PTPRJ: variants seen among roughly 807,000 people sequenced by gnomAD.
PTPRJ encodes receptor-type tyrosine-protein phosphatase eta.
In PTPRJ, 129 loss-of-function variants were observed where a neutral mutation model predicts 141.3. The observed-to-expected ratio is 0.91, with a 90% CI of 0.79 to 1.06. The LOEUF (loss-of-function observed/expected upper bound fraction) is 1.06, where lower values mean the gene tolerates loss of function less well. Among genes scored for constraint, PTPRJ ranks in the 50% least tolerant of loss-of-function variants. PTPRJ has a pLI of 0.00. For synonymous variants in PTPRJ, 610 were observed against 640.5 expected, an observed-to-expected ratio of 0.95 and a Z score of 0.72; for missense variants, 1,601 against 1,679.7, an observed-to-expected ratio of 0.95 and a Z score of 0.82.
rs374055217 is a variant in PTPRJ at position 48,143,000 on chromosome 11, C to A, written c.2525C>A (p.Ala842Asp). Residue 842 changes from alanine (A) to aspartate (D), a missense_variant, in exon 12 of 25, where the codon GCC becomes GAC. By Grantham distance (126) the Ala-to-Asp change is moderately radical (BLOSUM62 -2). Coordinates refer to ENST00000418331, the MANE Select transcript of PTPRJ (RefSeq NM_002843.4). ...SVKVKFSGFE[A>D]SHGPIKAYAV... is the part of the protein sequence containing the mutation. The stretch of plus-strand genomic sequence containing the variant: ...AAGGTCAAGTTCAGTGGATTTGAAG[C>A]CAGCCACGGACCCATCAAAGCCTAT... 2.2e-5 allele frequency: 35 copies of A among 1,614,048 alleles called. No homozygotes were observed. The highest frequency in any genetic ancestry group is 2.8e-5 in the Non-Finnish European group (33 of 1,180,018).
chr11:48,153,981 C>T (rs1857544997), intron 19 of PTPRJ, 95 bp downstream of exon 19: 2 of 845,762 alleles, frequency 2.4e-6, no homozygotes, highest in Admixed American at 2.0e-5. Context: ...TCCTAAGTAA[C>T]CACTTCCACA....
chr11:48,005,327 C>A (rs532842501), intron 1 of PTPRJ, among the ~76,000 whole-genome samples: 2 of 152,120 alleles, frequency 1.3e-5, no homozygotes, highest in Non-Finnish European at 2.9e-5. Flanking sequence ...CAAAAGAAAC[C>A]CCATGCCCAC....
intron 1 of PTPRJ, among the ~76,000 whole-genome samples, chr11:48,037,622 G>T (rs1269393985): frequency 1.3e-5 from 2 of 152,134 alleles, no homozygotes; most frequent in Non-Finnish European, 2.9e-5. Flanking sequence ...GACCAGCCTG[G>T]CCAACATGGT....
chr11:48,161,180 C>CAAAAAAA (rs71045549), intron 22 of PTPRJ, among the ~76,000 whole-genome samples: 19,434 of 67,170 alleles, frequency 0.29, 4,426 homozygotes, highest in African/African-American at 0.53. Context: ...GACCCGGTCT[C>CAAAAAAA]AAAAAAAAAA....
intron 1 of PTPRJ, among the ~76,000 whole-genome samples, chr11:48,043,881 C>G (rs1057410609): frequency 5.3e-5 from 8 of 152,206 alleles, no homozygotes; most frequent in African/African-American, 1.4e-4. Flanking sequence ...AGCCAGCAGC[C>G]AGCGACTCTC....
chr11:47,984,768 A>G (rs993696564), intron 1 of PTPRJ, among the ~76,000 whole-genome samples: 4 of 151,836 alleles, frequency 2.6e-5, no homozygotes, highest in Admixed American at 2.0e-4. Flanking sequence ...CATGTTGGCC[A>G]GGCTGGTCTT....
intron 1 of PTPRJ, among the ~76,000 whole-genome samples, chr11:48,055,711 A>C (rs1854735983): frequency 6.6e-6 from 1 of 152,132 alleles, no homozygotes; most frequent in Admixed American, 6.5e-5. Flanking sequence ...TCAGGTGAGG[A>C]AGGTAGATCC....
intron 1 of PTPRJ, among the ~76,000 whole-genome samples, chr11:48,072,056 C>T (rs1855274460): frequency 6.6e-6 from 1 of 151,768 alleles, no homozygotes; most frequent in Non-Finnish European, 1.5e-5. Context: ...CAGGCACCTG[C>T]CATCATGCCT....
intron 1 of PTPRJ, among the ~76,000 whole-genome samples, chr11:48,048,320 G>A (rs1590437713): frequency 6.6e-6 from 1 of 152,276 alleles, no homozygotes; most frequent in South Asian, 2.1e-4. Context: ...AGCTCTCCTT[G>A]CCTCCTAAGT....
chr11:48,061,457 A>G (rs575024572), intron 1 of PTPRJ, among the ~76,000 whole-genome samples: 16 of 152,322 alleles, frequency 1.1e-4, no homozygotes, highest in African/African-American at 3.8e-4. Context: ...GAGGTGCTGC[A>G]GTAATGGTTC....
At chr11:48,137,928 A>G (rs972859082) in intron 10 of PTPRJ, among the ~76,000 whole-genome samples, 1 of 152,216 alleles carries the variant, frequency 6.6e-6, no homozygotes, top group African/African-American at 2.4e-5. Context: ...TGTGATAAAG[A>G]GAAGAGCCCT....
intron 8 of PTPRJ, among the ~76,000 whole-genome samples, chr11:48,134,905 A>C (rs1285860356): frequency 6.6e-6 from 1 of 152,168 alleles, no homozygotes; most frequent in Non-Finnish European, 1.5e-5. Context: ...AAATGCTGCA[A>C]CTTAGTAAAG....
intron 1 of PTPRJ, among the ~76,000 whole-genome samples, chr11:48,019,814 G>A (rs1855062479): frequency 6.6e-6 from 1 of 152,242 alleles, no homozygotes; most frequent in African/African-American, 2.4e-5. Context: ...GGCTGGGGTA[G>A]TGGTTCTGGG....
In PTPRJ at chr11:48,168,004, C is replaced by G. The variant is rs770039263; in HGVS notation, c.*642C>G. Reference sequence around the variant, plus strand: ...GCTTAGCATCAGAGGTTTGCTTCCTCAGTAACATTTCTGTTCTCATTTGAT... The same window carrying G: ...GCTTAGCATCAGAGGTTTGCTTCCTGAGTAACATTTCTGTTCTCATTTGAT... On this transcript the variant is annotated 3_prime_UTR_variant, in exon 25 of 25. Transcript: ENST00000418331. 2 of 152,176 alleles carry G rather than the reference C, an allele frequency of 1.3e-5. No homozygotes were observed. Among genetic ancestry groups the G allele is most frequent in the African/African-American group, 4.8e-5 (2 of 41,448 alleles). The allele number at this position is 152,176 out of a possible 1,614,324, so 9.4% of individuals were successfully genotyped here.
intron 1 of PTPRJ, among the ~76,000 whole-genome samples, chr11:47,994,303 A>G (rs1377082697): frequency 6.6e-6 from 1 of 152,030 alleles, no homozygotes; most frequent in Non-Finnish European, 1.5e-5. Flanking sequence ...CTGTCTATTT[A>G]TACTACAATA....
chr11:48,076,022 CTT>C (rs1855390731), intron 1 of PTPRJ, among the ~76,000 whole-genome samples: 1 of 152,170 alleles, frequency 6.6e-6, no homozygotes. Flanking sequence ...TCTCATGGTC[CTT>C]CCCCCTACCC....
intron 8 of PTPRJ, among the ~76,000 whole-genome samples, chr11:48,135,656 A>G (rs569159272): frequency 6.6e-6 from 1 of 151,852 alleles, no homozygotes; most frequent in East Asian, 1.9e-4. Flanking sequence ...TAATTTTTGT[A>G]TTTTTAGTAG....
intron 18 of PTPRJ, among the ~76,000 whole-genome samples, chr11:48,152,038 G>A (rs1857496437): frequency 6.6e-6 from 1 of 152,202 alleles, no homozygotes; most frequent in Non-Finnish European, 1.5e-5. Context: ...TTCCACAATG[G>A]TTGAACTAGT....
At chr11:48,159,689 G>T (rs547929480) in intron 21 of PTPRJ, among the ~76,000 whole-genome samples, 1 of 152,166 alleles carries the variant, frequency 6.6e-6, no homozygotes, top group Non-Finnish European at 1.5e-5. Context: ...GCAGGAATTG[G>T]AGGTGGTAGT....
Sources: gnomAD v4.1 joint callset for allele counts (sites outside exome capture counted in the v4.1 genomes callset) on GRCh38, gnomAD v4.1.1 for gene constraint, MANE v1.5 for transcripts, NCBI Gene and HGNC (gene_info 2026-07-23, HGNC 2026-07-21) for gene names.